SORCS3: variants seen among roughly 807,000 people sequenced by gnomAD.
The protein encoded by SORCS3 is VPS10 domain-containing receptor SorCS3.
A neutral mutation model predicts 146.3 loss-of-function variants in SORCS3; 57 were observed. The observed-to-expected ratio is 0.39, with a 90% CI of 0.31 to 0.49. The LOEUF is 0.49. SORCS3 is among the 20% of genes least tolerant of loss of function. SORCS3 has a pLI of 0.92. For missense variants in SORCS3, 1,341 were observed against 1,575.5 expected (o/e 0.85, Z 2.52); for synonymous variants, 653 against 618.5 (o/e 1.06, Z -0.83).
At chr10:104,822,866 C>T (rs1307042389) in intron 1 of SORCS3, among the ~76,000 whole-genome samples, 2 of 152,106 alleles carry the variant, frequency 1.3e-5, no homozygotes, top group African/African-American at 4.8e-5. Flanking sequence ...CTACACCTAC[C>T]CCAACTTCCC....
intron 2 of SORCS3, among the ~76,000 whole-genome samples, chr10:104,902,932 T>C (rs1022114865): frequency 1.3e-5 from 2 of 152,236 alleles, no homozygotes; most frequent in African/African-American, 4.8e-5. Context: ...TTTATACTTG[T>C]ATAGCTTTCC....
intron 20 of SORCS3, among the ~76,000 whole-genome samples, chr10:105,233,561 C>T (rs1001018242): frequency 1.3e-5 from 2 of 152,090 alleles, no homozygotes; most frequent in Non-Finnish European, 2.9e-5. Flanking sequence ...CCCTTAGCCC[C>T]CCACCCCTCC....
chr10:104,653,621 C>G (rs763449254), intron 1 of SORCS3, among the ~76,000 whole-genome samples: 50 of 152,184 alleles, frequency 3.3e-4, no homozygotes, highest in Non-Finnish European at 5.0e-4. Flanking sequence ...TATGGTCACC[C>G]AGTGCTTGGG....
intron 1 of SORCS3, among the ~76,000 whole-genome samples, chr10:104,651,985 C>G (rs2015567193): frequency 6.6e-6 from 1 of 152,128 alleles, no homozygotes; most frequent in South Asian, 2.1e-4. Flanking sequence ...GGTTGGCTAA[C>G]TCTGAGACAT....
intron 7 of SORCS3, among the ~76,000 whole-genome samples, chr10:105,121,143 C>T (rs1307950860): frequency 6.6e-6 from 1 of 152,134 alleles, no homozygotes; most frequent in Non-Finnish European, 1.5e-5. Context: ...CAATTTCCTA[C>T]CTCCAAAGCA....
chr10:104,724,939 G>A (rs2016605656), intron 1 of SORCS3, among the ~76,000 whole-genome samples: 1 of 152,088 alleles, frequency 6.6e-6, no homozygotes, highest in South Asian at 2.1e-4. Flanking sequence ...CTTTAGCTCG[G>A]AGTAGTTTGA....
At position 104,991,697 on chromosome 10, in the gene SORCS3, C is replaced by T. The variant is rs1243078300; in HGVS notation, c.954+14204C>T. Among the ~76,000 whole-genome samples, 8 of 152,096 alleles carry T rather than the reference C, an allele frequency of 5.3e-5. No individual in the cohort carries two copies. The East Asian group carries it at 5.8e-4, about 11-fold the overall frequency. On this transcript the variant is annotated intron_variant, in intron 4 of 26. Coordinates refer to ENST00000369701, the MANE Select transcript of SORCS3 (RefSeq NM_014978.3). Reference sequence around the variant, plus strand: ...TGTATTTTTAGTAGAGACAAGGTTTCGCTATATTGGCCAGGCTGGTCTCGA... The same window carrying T: ...TGTATTTTTAGTAGAGACAAGGTTTTGCTATATTGGCCAGGCTGGTCTCGA...
At chr10:104,997,649 C>G (rs1188745206) in intron 4 of SORCS3, among the ~76,000 whole-genome samples, 1 of 152,142 alleles carries the variant, frequency 6.6e-6, no homozygotes, top group Non-Finnish European at 1.5e-5. Context: ...AGGATTATCT[C>G]TACAGCCTTT....
At chr10:104,973,579 T>C (rs1268106586) in intron 3 of SORCS3, among the ~76,000 whole-genome samples, 2 of 150,512 alleles carry the variant, frequency 1.3e-5, no homozygotes, top group Non-Finnish European at 3.0e-5. Context: ...ATTTGATTCT[T>C]CTCTCTTTTT....
intron 2 of SORCS3, among the ~76,000 whole-genome samples, chr10:104,903,185 C>T (rs2018870044): frequency 6.6e-6 from 1 of 152,140 alleles, no homozygotes; most frequent in Non-Finnish European, 1.5e-5. Flanking sequence ...ATATCTATGT[C>T]AGAGGGTCAT....
chr10:104,945,124 C>A (rs1445800164), intron 3 of SORCS3, among the ~76,000 whole-genome samples: 1 of 151,970 alleles, frequency 6.6e-6, no homozygotes, highest in East Asian at 1.9e-4. Flanking sequence ...TCGTATGACC[C>A]CGTTTATATA....
chr10:104,779,391 A>T (rs898725425), intron 1 of SORCS3, among the ~76,000 whole-genome samples: 22 of 152,198 alleles, frequency 1.4e-4, no homozygotes, highest in African/African-American at 5.3e-4. Flanking sequence ...AGGAAGTTGG[A>T]CACCTACCAC....
intron 25 of SORCS3, among the ~76,000 whole-genome samples, chr10:105,258,915 G>A (rs2056945425): frequency 6.6e-6 from 1 of 152,102 alleles, no homozygotes; most frequent in Admixed American, 6.6e-5. Flanking sequence ...TACTTTTCTG[G>A]CTCCTTTTCC....
At chr10:104,714,729 G>C (rs2016457193) in intron 1 of SORCS3, among the ~76,000 whole-genome samples, 1 of 152,138 alleles carries the variant, frequency 6.6e-6, no homozygotes, top group Non-Finnish European at 1.5e-5. Flanking sequence ...ATATTCTGCT[G>C]TTATTAGATG....
At chr10:104,831,153 G>C (rs1387179250) in intron 1 of SORCS3, among the ~76,000 whole-genome samples, 1 of 152,090 alleles carries the variant, frequency 6.6e-6, no homozygotes, top group Non-Finnish European at 1.5e-5. Flanking sequence ...ATACCATGAG[G>C]ATACTGTCAC....
At chr10:104,726,417 A>G (rs779699170) in intron 1 of SORCS3, among the ~76,000 whole-genome samples, 3 of 152,134 alleles carry the variant, frequency 2.0e-5, no homozygotes, top group Non-Finnish European at 4.4e-5. Context: ...ATTTACCTGG[A>G]TTAATGCTGT....
rs571541312 is a variant in SORCS3 at position 104,962,764 on chromosome 10, C to T, written c.796-14571C>T. On this transcript the variant is annotated intron_variant, in intron 3 of 26. Transcript: ENST00000369701. ...TGTAAAGGAAATGTGTGCTCACTGC[C>T]GAAAATTTGGGGAAAATAGAAAAGT... Among the ~76,000 whole-genome samples the T allele has an allele frequency of 1.0e-3, 153 of 151,942 alleles. 2 individuals are homozygous for T. Among genetic ancestry groups the T allele is most frequent in the Admixed American group, 5.5e-3 (84 of 15,268 alleles).
At chr10:105,050,118 A>G (rs996423687) in intron 5 of SORCS3, among the ~76,000 whole-genome samples, 5 of 152,066 alleles carry the variant, frequency 3.3e-5, no homozygotes, top group South Asian at 2.1e-4. Flanking sequence ...GTTCTGTTGT[A>G]TATTCCCACC....
At chr10:104,765,656 T>A (rs1435881226) in intron 1 of SORCS3, among the ~76,000 whole-genome samples, 1 of 152,224 alleles carries the variant, frequency 6.6e-6, no homozygotes, top group African/African-American at 2.4e-5. Context: ...ATGACCTTCC[T>A]ACATGCCGTT....
Sources: allele counts gnomAD v4.1 joint callset (sites outside exome capture counted in the v4.1 genomes callset), GRCh38; gene constraint gnomAD v4.1.1; transcripts MANE v1.5; gene names NCBI Gene and HGNC (gene_info 2026-07-23, HGNC 2026-07-21).